Variants in TGFBR3 observed in about 807,000 individuals in gnomAD.
The protein encoded by TGFBR3 is transforming growth factor beta receptor 3, also known as transforming growth factor beta receptor type 3.
In TGFBR3, 46 loss-of-function variants were observed where a neutral mutation model predicts 87.9. The observed-to-expected ratio is 0.52, with a 90% CI of 0.41 to 0.67. TGFBR3 has a LOEUF of 0.67. Among genes scored for constraint, TGFBR3 ranks in the 30% least tolerant of loss-of-function variants. TGFBR3 has a pLI of 0.00. For missense variants in TGFBR3, 866 were observed against 1,041.9 expected (o/e 0.83, Z 2.32); for synonymous variants, 381 against 391.6 (o/e 0.97, Z 0.32).
At position 91,686,370 on chromosome 1, in the gene TGFBR3, C is replaced by T. The variant is rs111845229; in HGVS notation, c.2438-2513G>A. On this transcript the variant is annotated intron_variant, in intron 16 of 16. Coordinates refer to ENST00000212355, the MANE Select transcript of TGFBR3 (RefSeq NM_003243.5). ...ACCCCAAACAAAACAAAGAAGCCTC[C>T]GCACTCAAGACTGCAGGATGCATCT... Among the ~76,000 whole-genome samples, 1,176 of 152,236 alleles carry T rather than the reference C, an allele frequency of 7.7e-3. 15 individuals are homozygous for T. The highest frequency in any genetic ancestry group is 0.024 in the African/African-American group (1,015 of 41,540).
chr1:91,798,850 G>A (rs1675489713), intron 2 of TGFBR3, among the ~76,000 whole-genome samples: 1 of 152,228 alleles, frequency 6.6e-6, no homozygotes. Context: ...CTTGGATTTG[G>A]CTGTAGGGAA....
rs1472727421 is a variant in TGFBR3, at chr1:91,734,972, G to A, written c.385-13C>T. ...AACCCTCAGACACCTAGAGGAAAGAGAATTGCGTATTTAACATGGTGCAGT... is the reference window on the plus strand; with the variant it reads ...AACCCTCAGACACCTAGAGGAAAGAAAATTGCGTATTTAACATGGTGCAGT... On this transcript the variant is annotated splice_polypyrimidine_tract_variant and intron_variant, in intron 4 of 16. Coordinates refer to ENST00000212355, the MANE Select transcript of TGFBR3 (RefSeq NM_003243.5). The A allele has an allele frequency of 2.5e-6, 4 of 1,613,852 alleles. No individual in the cohort carries two copies. The highest frequency in any genetic ancestry group is 3.3e-5 in the Admixed American group (2 of 60,008).
intron 1 of TGFBR3, among the ~76,000 whole-genome samples, chr1:91,905,407 C>A (rs939573770): frequency 9.9e-5 from 15 of 152,182 alleles, no homozygotes; most frequent in Non-Finnish European, 1.9e-4. Flanking sequence ...CTATTACTCA[C>A]AACCGTTGAC....
At chr1:91,859,799 C>T (rs1043138226) in intron 2 of TGFBR3, among the ~76,000 whole-genome samples, 1 of 151,412 alleles carries the variant, frequency 6.6e-6, no homozygotes, top group East Asian at 1.9e-4. Flanking sequence ...GTCCCAGCTA[C>T]TCGGAAGGCT....
chr1:91,681,245 AT>A lies in TGFBR3; in HGVS notation c.*2493del, dbSNP rs1315164511. 6 of 442,090 alleles carry A rather than the reference AT, an allele frequency of 1.4e-5. No individual in the cohort carries two copies. Among genetic ancestry groups the A allele is most frequent in the Non-Finnish European group, 1.8e-5 (4 of 222,458 alleles). The allele number at this position is 442,090 out of a possible 1,614,324, so 27.4% of individuals were successfully genotyped here. A position where few individuals can be genotyped will look rare whatever the true frequency, so the allele number is the denominator to read the frequency against. Reference sequence around the variant, plus strand: ...TGAGAAGCTAGGGAGAAAATACCTTATTTTTTTCATGTTCATTTTTTAGAAA... The same window carrying A: ...TGAGAAGCTAGGGAGAAAATACCTTATTTTTTCATGTTCATTTTTTAGAAA... On this transcript the variant is annotated 3_prime_UTR_variant, in exon 17 of 17. Transcript: ENST00000212355.
intron 14 of TGFBR3, among the ~76,000 whole-genome samples, chr1:91,699,229 C>T (rs1557663289): frequency 6.6e-6 from 1 of 152,040 alleles, no homozygotes; most frequent in Non-Finnish European, 1.5e-5. Context: ...TGTCATCATG[C>T]TTTGCAAGCC....
At chr1:91,893,924 TAA>T (rs34607132) in intron 2 of TGFBR3, among the ~76,000 whole-genome samples, 1 of 143,006 alleles carries the variant, frequency 7.0e-6, no homozygotes, top group African/African-American at 2.6e-5. Context: ...AAAACTTCCT[TAA>T]AAAAAAAAAA....
At chr1:91,734,511 A>G (rs759469693) in intron 5 of TGFBR3, among the ~76,000 whole-genome samples, 5 of 152,014 alleles carry the variant, frequency 3.3e-5, no homozygotes, top group Non-Finnish European at 7.4e-5. Context: ...TGTCTTCTAA[A>G]TCCCACACAA....
At chr1:91,815,501 T>A (rs991214646) in intron 2 of TGFBR3, among the ~76,000 whole-genome samples, 2 of 152,024 alleles carry the variant, frequency 1.3e-5, no homozygotes, top group Admixed American at 1.3e-4. Context: ...TCCTTTCTCC[T>A]CACTACCCAC....
At chr1:91,803,742 G>T (rs1675730745) in intron 2 of TGFBR3, among the ~76,000 whole-genome samples, 3 of 151,792 alleles carry the variant, frequency 2.0e-5, no homozygotes, top group South Asian at 4.2e-4. Context: ...CACCGTTTCT[G>T]TTCCTTCCCA....
chr1:91,881,007 AC>A (rs541724818), intron 1 of TGFBR3, among the ~76,000 whole-genome samples: 42 of 152,214 alleles, frequency 2.8e-4, no homozygotes, highest in African/African-American at 9.9e-4. Context: ...TGAAAGCACC[AC>A]AAAAAGATGT....
exon 1 of TGFBR3, chr1:91,905,970 C>G (rs1679838199): frequency 6.6e-6 from 1 of 152,048 alleles, no homozygotes; most frequent in Admixed American, 6.6e-5. Flanking sequence ...AAAAAAAGCT[C>G]CTTTCTTTCT....
At chr1:91,752,368 C>T (rs1213666329) in intron 4 of TGFBR3, among the ~76,000 whole-genome samples, 1 of 152,136 alleles carries the variant, frequency 6.6e-6, no homozygotes, top group Admixed American at 6.6e-5. Flanking sequence ...CCCTTCTATG[C>T]CCCATCCCCC....
At chr1:91,861,060 CTAA>C (rs1420505593) in intron 2 of TGFBR3, among the ~76,000 whole-genome samples, 1 of 149,686 alleles carries the variant, frequency 6.7e-6, no homozygotes, top group Non-Finnish European at 1.5e-5. Flanking sequence ...TATTTATTTG[CTAA>C]TAAAGGACAA....
intron 7 of TGFBR3, among the ~76,000 whole-genome samples, chr1:91,723,480 TAAAAAAAAAAA>T (rs58578681): frequency 3.1e-4 from 34 of 109,140 alleles, no homozygotes; most frequent in African/African-American, 4.1e-4. Context: ...GACCCTGCCT[TAAAAAAAAAAA>T]AAAAAAAAAA....
intron 2 of TGFBR3, among the ~76,000 whole-genome samples, chr1:91,845,242 G>A (rs1677427332): frequency 6.6e-6 from 1 of 152,146 alleles, no homozygotes; most frequent in African/African-American, 2.4e-5. Context: ...TGTTAATAAA[G>A]TAAGATTTGG....
chr1:91,750,474 A>G (rs1464827407), intron 4 of TGFBR3, among the ~76,000 whole-genome samples: 8 of 152,146 alleles, frequency 5.3e-5, no homozygotes. Context: ...GACTGACCCT[A>G]GTTCATGAGA....
In TGFBR3 at chr1:91,697,596, T is replaced by C. The variant is rs551740727; in HGVS notation, c.2329+493A>G. The stretch of plus-strand genomic sequence containing the variant: ...GTCCTTATTCTGCAGCAATTGGTGT[T>C]GCTTTCTCTTTCATTCTTACATGCT... On this transcript the variant is annotated intron_variant, in intron 15 of 16. Transcript: ENST00000212355. 2.6e-5 allele frequency among the ~76,000 whole-genome samples: 4 copies of C among 152,360 alleles called. No individual in the cohort carries two copies. The South Asian group carries it at 8.3e-4, about 32-fold the overall frequency.
intron 2 of TGFBR3, among the ~76,000 whole-genome samples, chr1:91,850,780 CAAAAAAAAA>C (rs61025683): frequency 3.1e-4 from 18 of 58,420 alleles, no homozygotes; most frequent in African/African-American, 8.6e-4. Context: ...GACCCTGTCT[CAAAAAAAAA>C]AAAAAAAAAA....
Sources: gnomAD v4.1 joint callset for allele counts (sites outside exome capture counted in the v4.1 genomes callset) on GRCh38, gnomAD v4.1.1 for gene constraint, MANE v1.5 for transcripts, NCBI Gene and HGNC (gene_info 2026-07-23, HGNC 2026-07-21) for gene names.